The following FAM193A variants were observed in gnomAD, a reference collection of about 807,000 sequenced individuals.
The protein encoded by FAM193A is family with sequence similarity 193 member A.
FAM193A carries 22 observed loss-of-function variants against 126.5 expected under a neutral mutation model. That is an observed-to-expected ratio of 0.17 (90% CI 0.12 to 0.25). The LOEUF is 0.25. Among genes scored for constraint, FAM193A ranks in the 10% least tolerant of loss-of-function variants. FAM193A has a pLI of 1.00. For missense variants in FAM193A, 1,675 were observed against 1,672.8 expected, an observed-to-expected ratio of 1.00 and a Z score of -0.02; for synonymous variants, 761 against 646.8, an observed-to-expected ratio of 1.18 and a Z score of -2.68.
chr4:2,683,787 G>C (rs1283084706), intron 13 of FAM193A, among the ~76,000 whole-genome samples: 1 of 152,118 alleles, frequency 6.6e-6, no homozygotes, highest in South Asian at 2.1e-4. Context: ...CACTTACCAG[G>C]TGTTATATCT....
At chr4:2,630,530 G>A (rs1743456157) in intron 4 of FAM193A, among the ~76,000 whole-genome samples, 1 of 152,158 alleles carries the variant, frequency 6.6e-6, no homozygotes, top group South Asian at 2.1e-4. Context: ...CCAGCCTCGT[G>A]TCTGAGCATG....
intron 2 of FAM193A, among the ~76,000 whole-genome samples, chr4:2,621,588 G>A (rs1742548090): frequency 1.3e-5 from 2 of 152,192 alleles, no homozygotes; most frequent in Admixed American, 1.3e-4. Flanking sequence ...TCACTCTGCT[G>A]CTGCTTGGAG....
At chr4:2,551,646 A>G (rs1182231109) in intron 1 of FAM193A, among the ~76,000 whole-genome samples, 1 of 152,068 alleles carries the variant, frequency 6.6e-6, no homozygotes, top group Non-Finnish European at 1.5e-5. Context: ...TCCTGATATT[A>G]GTAACTTGTT....
At chr4:2,661,976 G>T (rs1712504596) in intron 10 of FAM193A, among the ~76,000 whole-genome samples, 2 of 152,260 alleles carry the variant, frequency 1.3e-5, no homozygotes, top group Middle Eastern at 6.8e-3. Context: ...GAGGTCAGGG[G>T]ATTGAGACTA....
chr4:2,654,348 G>A (rs1162674930), intron 7 of FAM193A: 2 of 149,054 alleles, frequency 1.3e-5, no homozygotes, highest in Non-Finnish European at 3.0e-5. Flanking sequence ...GAGTAGCTGG[G>A]ATCACAGCGC....
intron 13 of FAM193A, among the ~76,000 whole-genome samples, chr4:2,680,936 C>T (rs10937922): frequency 0.34 from 52,316 of 152,156 alleles, 10,668 homozygotes; most frequent in Admixed American, 0.54. Context: ...GCTACAGCGC[C>T]GAGCCCAGCC....
chr4:2,700,727 A>G (rs966198599), intron 19 of FAM193A, among the ~76,000 whole-genome samples, 183 bp downstream of exon 19: 6 of 152,128 alleles, frequency 3.9e-5, no homozygotes, highest in South Asian at 2.1e-4. Context: ...TTGTGAGGCC[A>G]GGGTGGGCAG....
intron 16 of FAM193A, among the ~76,000 whole-genome samples, chr4:2,694,171 G>T (rs1228643187): frequency 1.3e-5 from 2 of 152,128 alleles, no homozygotes; most frequent in Non-Finnish European, 2.9e-5. Context: ...TGTATAAGTT[G>T]TATTTGTTAT....
chr4:2,652,133 A>G (rs904456468), intron 7 of FAM193A, among the ~76,000 whole-genome samples: 26 of 152,124 alleles, frequency 1.7e-4, no homozygotes, highest in African/African-American at 6.3e-4. Context: ...AGGGATTTGC[A>G]GAGTACCCTT....
chr4:2,619,309 T>A (rs541848146), intron 2 of FAM193A, among the ~76,000 whole-genome samples: 3 of 152,234 alleles, frequency 2.0e-5, no homozygotes, highest in African/African-American at 7.2e-5. Flanking sequence ...TTTTTTCTTT[T>A]TTATTTTTTT....
chr4:2,555,908 GT>G (rs34976046), intron 1 of FAM193A, among the ~76,000 whole-genome samples: 55 of 140,312 alleles, frequency 3.9e-4, no homozygotes, highest in East Asian at 6.2e-4. Context: ...GAGAGACACT[GT>G]TTTTTTTTTT....
chr4:2,680,649 C>CTT (rs111612826), intron 13 of FAM193A, among the ~76,000 whole-genome samples: 25 of 148,570 alleles, frequency 1.7e-4, no homozygotes, highest in African/African-American at 6.2e-4. Flanking sequence ...TACTTACTTA[C>CTT]TTTTTTTTTT....
intron 1 of FAM193A, among the ~76,000 whole-genome samples, chr4:2,567,958 T>C (rs1009158365): frequency 1.3e-5 from 2 of 152,222 alleles, no homozygotes; most frequent in African/African-American, 4.8e-5. Context: ...CCTGTTTTCC[T>C]GTTGGGGTCA....
chr4:2,680,922 G>C (rs1441629008), intron 13 of FAM193A, among the ~76,000 whole-genome samples: 1 of 152,174 alleles, frequency 6.6e-6, no homozygotes, highest in Non-Finnish European at 1.5e-5. Flanking sequence ...GATTACAGGC[G>C]TGAGCTACAG....
At position 2,570,270 on chromosome 4, in the gene FAM193A, G is replaced by T. The variant is rs143446042; in HGVS notation, c.256-25814G>T. Among the ~76,000 whole-genome samples the T allele has an allele frequency of 7.7e-4, 117 of 152,172 alleles. 1 individual carries two copies. In the East Asian group the frequency reaches 0.02, roughly 27 times the overall value. ...AATCATGGTACCCTTATGTCTCCCT[G>T]CAGGGTTGAATTCAGTGTGTTCAGA... is the stretch of plus-strand genomic sequence containing the variant. On this transcript the variant is annotated intron_variant, in intron 1 of 20. Coordinates refer to ENST00000637812, the MANE Select transcript of FAM193A (RefSeq NM_001366318.2).
At chr4:2,704,644 C>A (rs1577240672) in intron 19 of FAM193A, among the ~76,000 whole-genome samples, 1 of 152,154 alleles carries the variant, frequency 6.6e-6, no homozygotes, top group South Asian at 2.1e-4. Context: ...GTTCTCCAAA[C>A]CCTCCAGTCA....
chr4:2,567,239 C>T (rs1389216657), intron 1 of FAM193A, among the ~76,000 whole-genome samples: 3 of 143,112 alleles, frequency 2.1e-5, no homozygotes, highest in East Asian at 1.9e-4. Flanking sequence ...TGAGCCACCA[C>T]GCCCGGCCTG....
intron 1 of FAM193A, among the ~76,000 whole-genome samples, chr4:2,567,959 G>T (rs1739066063): frequency 1.3e-5 from 2 of 152,186 alleles, no homozygotes; most frequent in African/African-American, 2.4e-5. Flanking sequence ...CTGTTTTCCT[G>T]TTGGGGTCAT....
chr4:2,591,485 C>T (rs998136220), intron 1 of FAM193A, among the ~76,000 whole-genome samples: 8 of 152,060 alleles, frequency 5.3e-5, no homozygotes, highest in African/African-American at 1.9e-4. Context: ...CCCTGAAGGC[C>T]GGTCGGCAGG....
Sources: allele counts gnomAD v4.1 joint callset (sites outside exome capture counted in the v4.1 genomes callset), GRCh38; gene constraint gnomAD v4.1.1; transcripts MANE v1.5; gene names NCBI Gene and HGNC (gene_info 2026-07-23, HGNC 2026-07-21).